Variants in GPR39 observed in about 807,000 individuals in gnomAD.
The protein encoded by GPR39 is G protein-coupled receptor 39.
GPR39 carries 23 observed loss-of-function variants against 18.4 expected under a neutral mutation model. The ratio of observed to expected loss-of-function variants is 1.25; its 90% CI spans 0.90 to 1.77. The LOEUF (loss-of-function observed/expected upper bound fraction) is 1.77. Among genes scored for constraint, GPR39 ranks in the 40% most tolerant of loss-of-function variants. The probability of loss-of-function intolerance (pLI) is 0.00; values close to 1 mark genes in which losing one functional copy is unlikely to be tolerated. For missense variants in GPR39, 647 were observed against 602.4 expected, an observed-to-expected ratio of 1.07 and a Z score of -0.78; for synonymous variants, 280 against 257.9, an observed-to-expected ratio of 1.09 and a Z score of -0.82.
intron 1 of GPR39, among the ~76,000 whole-genome samples, chr2:132,576,317 G>A (rs182949125): frequency 6.6e-6 from 1 of 152,180 alleles, no homozygotes; most frequent in Non-Finnish European, 1.5e-5. Context: ...TTTTGACAAA[G>A]TGCGGTTTAT....
At chr2:132,459,213 T>A (rs553972970) in intron 1 of GPR39, among the ~76,000 whole-genome samples, 1 of 151,838 alleles carries the variant, frequency 6.6e-6, no homozygotes, top group South Asian at 2.1e-4. Context: ...AGGTAGAATT[T>A]GTGTTTGTGT....
intron 1 of GPR39, among the ~76,000 whole-genome samples, chr2:132,459,691 T>C (rs1289162275): frequency 6.6e-6 from 1 of 152,232 alleles, no homozygotes; most frequent in Non-Finnish European, 1.5e-5. Flanking sequence ...GAATTCTTAT[T>C]GAATTAGATA....
At chr2:132,489,170 C>A in intron 1 of GPR39, 1 of 233,832 alleles carries the variant, frequency 4.3e-6, no homozygotes, top group South Asian at 7.5e-5. Context: ...TTACAGCAGT[C>A]TGGTACACAA....
At chr2:132,477,066 G>T (rs1043043116) in intron 1 of GPR39, among the ~76,000 whole-genome samples, 1 of 152,196 alleles carries the variant, frequency 6.6e-6, no homozygotes. Context: ...AACCATCCAT[G>T]ATTCTCGAGA....
At chr2:132,505,330 T>G (rs978890988) in intron 1 of GPR39, among the ~76,000 whole-genome samples, 1 of 152,210 alleles carries the variant, frequency 6.6e-6, no homozygotes, top group Non-Finnish European at 1.5e-5. Context: ...ATGCATAGAA[T>G]GTGTAGTGAT....
rs141634075 is a variant in GPR39 at position 132,449,924 on chromosome 2, A to C, written c.856+32026A>C. ...TACACCTTCTAGCATCCCCTGGTAC[A>C]ATCTCCTACAGGCCCTTCAAAATCT... On this transcript the variant is annotated intron_variant, in intron 1 of 1. Coordinates refer to ENST00000329321, the MANE Select transcript of GPR39 (RefSeq NM_001508.3). Among the ~76,000 whole-genome samples the C allele has an allele frequency of 3.9e-3, 596 of 152,224 alleles. 9 individuals carry two copies. Among genetic ancestry groups the C allele is most frequent in the African/African-American group, 0.014 (564 of 41,534 alleles).
At chr2:132,635,921 C>T (rs187921892) in intron 1 of GPR39, among the ~76,000 whole-genome samples, 104 of 152,322 alleles carry the variant, frequency 6.8e-4, no homozygotes, top group African/African-American at 1.9e-3. Flanking sequence ...TGGCTATCTG[C>T]AAGCCAGGAA....
intron 1 of GPR39, among the ~76,000 whole-genome samples, chr2:132,494,172 G>A (rs1681593701): frequency 6.6e-6 from 1 of 152,078 alleles, no homozygotes; most frequent in African/African-American, 2.4e-5. Context: ...TCATTGAGTT[G>A]CCTTCCCTAA....
intron 1 of GPR39, among the ~76,000 whole-genome samples, chr2:132,522,514 A>G (rs888020568): frequency 1.3e-5 from 2 of 152,208 alleles, no homozygotes; most frequent in Non-Finnish European, 1.5e-5. Context: ...AACACATTTA[A>G]TCTTTACAAT....
chr2:132,461,862 C>G (rs1444223926), intron 1 of GPR39, among the ~76,000 whole-genome samples: 1 of 152,182 alleles, frequency 6.6e-6, no homozygotes, highest in Non-Finnish European at 1.5e-5. Context: ...TTGGAATACT[C>G]AGAACCACAT....
rs112689917 is a variant in GPR39, at chr2:132,596,007, C to G, written c.857-49094C>G. On this transcript the variant is annotated intron_variant, in intron 1 of 1. Coordinates refer to ENST00000329321, the MANE Select transcript of GPR39 (RefSeq NM_001508.3). ...TTTAGTGTAGCCAGCTCTCCCCCAC[C>G]CTTATGGAAAAGCAGTTCCTCCCAG... Among the ~76,000 whole-genome samples, 31 of 152,228 alleles carry G rather than the reference C, an allele frequency of 2.0e-4. 1 individual carries two copies. The highest frequency in any genetic ancestry group is 3.4e-3 in the Middle Eastern group (1 of 294).
chr2:132,493,293 A>G (rs1296909460), intron 1 of GPR39, among the ~76,000 whole-genome samples: 1 of 146,648 alleles, frequency 6.8e-6, no homozygotes, highest in East Asian at 2.0e-4. Context: ...TATACCATAT[A>G]TATACACCAT....
At chr2:132,496,058 C>T (rs796781493) in intron 1 of GPR39, among the ~76,000 whole-genome samples, 12 of 152,274 alleles carry the variant, frequency 7.9e-5, no homozygotes, top group African/African-American at 2.9e-4. Context: ...TCACCCCTGC[C>T]AGAAAACAGC....
chr2:132,589,264 G>A (rs1680786328), intron 1 of GPR39, among the ~76,000 whole-genome samples: 1 of 152,102 alleles, frequency 6.6e-6, no homozygotes, highest in African/African-American at 2.4e-5. Flanking sequence ...CAGTTACCTG[G>A]CAACCATGCC....
At chr2:132,644,913 C>T (rs1681972067) in intron 1 of GPR39, 188 bp from the exon 2 acceptor site, 2 of 626,462 alleles carry the variant, frequency 3.2e-6, no homozygotes, top group Non-Finnish European at 5.4e-6. Flanking sequence ...GGGTTTGAAA[C>T]AGTGTTAAAT....
chr2:132,542,823 C>T (rs1238146454), intron 1 of GPR39, among the ~76,000 whole-genome samples: 11 of 152,174 alleles, frequency 7.2e-5, no homozygotes, highest in Admixed American at 7.2e-4. Flanking sequence ...GCAGTAGGGT[C>T]CCCTTTATCT....
At chr2:132,528,414 G>T (rs1247917087) in intron 1 of GPR39, among the ~76,000 whole-genome samples, 3 of 152,012 alleles carry the variant, frequency 2.0e-5, no homozygotes, top group African/African-American at 4.8e-5. Flanking sequence ...GCTATACAGG[G>T]TCTTTTATGG....
intron 1 of GPR39, among the ~76,000 whole-genome samples, chr2:132,525,528 T>G (rs1266762353): frequency 1.3e-5 from 2 of 152,204 alleles, no homozygotes; most frequent in African/African-American, 2.4e-5. Flanking sequence ...TGATTTACCT[T>G]TTATGCTACG....
chr2:132,557,091 G>C (rs1324337669), intron 1 of GPR39, among the ~76,000 whole-genome samples: 4 of 148,820 alleles, frequency 2.7e-5, no homozygotes, highest in Admixed American at 2.0e-4. Context: ...CAAGGGGGGG[G>C]GCAGATCACT....
Sources: allele counts gnomAD v4.1 joint callset (sites outside exome capture counted in the v4.1 genomes callset), GRCh38; gene constraint gnomAD v4.1.1; transcripts MANE v1.5; gene names NCBI Gene and HGNC (gene_info 2026-07-23, HGNC 2026-07-21).